RBFOX1: variants seen among roughly 807,000 people sequenced by gnomAD.
RBFOX1 encodes RNA binding fox-1 homolog 1.
A neutral mutation model predicts 57.7 loss-of-function variants in RBFOX1; 8 were observed. The ratio of observed to expected loss-of-function variants is 0.14; its 90% CI spans 0.08 to 0.25. RBFOX1 has a LOEUF of 0.25. Ranked by LOEUF, RBFOX1 falls within the 10% of genes least tolerant of loss-of-function variation. The pLI, the probability that RBFOX1 is intolerant of heterozygous loss-of-function variation, is 1.00. For synonymous variants in RBFOX1, 326 were observed against 222.4 expected (o/e 1.47, Z -4.15); for missense variants, 611 against 548.5 (o/e 1.11, Z -1.14).
intron 4 of RBFOX1, among the ~76,000 whole-genome samples, chr16:7,224,928 C>A (rs143296615): frequency 1.2e-3 from 180 of 152,246 alleles, no homozygotes; most frequent in Non-Finnish European, 2.3e-3. Flanking sequence ...CTGTCCTAGT[C>A]ACAGTGATGA....
chr16:5,427,845 A>G (rs1567495291), intron 1 of RBFOX1, among the ~76,000 whole-genome samples: 1 of 152,100 alleles, frequency 6.6e-6, no homozygotes, highest in Non-Finnish European at 1.5e-5. Flanking sequence ...ATCATACAAA[A>G]CTACCCTCCC....
chr16:5,883,969 A>G (rs746481239), intron 4 of RBFOX1, among the ~76,000 whole-genome samples: 1 of 152,190 alleles, frequency 6.6e-6, no homozygotes, highest in Non-Finnish European at 1.5e-5. Flanking sequence ...TGAGGTAAGC[A>G]CCTGAATGCT....
intron 1 of RBFOX1, among the ~76,000 whole-genome samples, chr16:5,377,682 C>T (rs1422197989): frequency 6.6e-6 from 1 of 151,236 alleles, no homozygotes; most frequent in African/African-American, 2.5e-5. Context: ...TGAATGCGGA[C>T]CTAGAGGTCC....
intron 1 of RBFOX1, among the ~76,000 whole-genome samples, chr16:5,290,805 T>G (rs1011145658): frequency 6.6e-6 from 1 of 152,036 alleles, no homozygotes; most frequent in Non-Finnish European, 1.5e-5. Flanking sequence ...TTCAAGTGAT[T>G]TTCCTGCCTC....
intron 4 of RBFOX1, among the ~76,000 whole-genome samples, chr16:7,437,024 T>C (rs1411177518): frequency 6.6e-6 from 1 of 152,152 alleles, no homozygotes; most frequent in Non-Finnish European, 1.5e-5. Flanking sequence ...GAGATTGCAG[T>C]AAGCCAAGAT....
At chr16:7,664,581 C>G (rs954979729) in intron 12 of RBFOX1, among the ~76,000 whole-genome samples, 5 of 152,120 alleles carry the variant, frequency 3.3e-5, no homozygotes, top group African/African-American at 1.2e-4. Flanking sequence ...ATTGCCAACT[C>G]TGACCTGTTA....
At chr16:7,468,828 T>G (rs2061011425) in intron 4 of RBFOX1, among the ~76,000 whole-genome samples, 1 of 152,134 alleles carries the variant, frequency 6.6e-6, no homozygotes, top group African/African-American at 2.4e-5. Flanking sequence ...ATGCCACTGA[T>G]GGCTGACCAA....
intron 3 of RBFOX1, among the ~76,000 whole-genome samples, chr16:7,002,563 T>G (rs367555342): frequency 2.0e-3 from 298 of 151,916 alleles, no homozygotes; most frequent in Non-Finnish European, 3.5e-3. Flanking sequence ...AATACAAAAA[T>G]TTGCTGGGCG....
chr16:5,568,254 C>T (rs148384653), intron 2 of RBFOX1, among the ~76,000 whole-genome samples: 268 of 152,300 alleles, frequency 1.8e-3, no homozygotes, highest in African/African-American at 5.7e-3. Context: ...TCTCTGTGCA[C>T]GTGGCACAGT....
At chr16:6,509,273 A>G (rs970131348) in intron 2 of RBFOX1, among the ~76,000 whole-genome samples, 18 of 152,264 alleles carry the variant, frequency 1.2e-4, no homozygotes, top group East Asian at 3.9e-4. Context: ...AGCTCCTTAT[A>G]TATTCTGGTT....
In RBFOX1 at chr16:5,454,767, CTCTTTCTT is replaced by C. The variant is rs377472982; in HGVS notation, c.220-12433_220-12426del. Reference sequence around the variant, plus strand: ...TCTTTTTCTTTTCTTTTCTTTCTTTCTCTTTCTTTCTTTCTTTCTTTCTCTTTCTTTCT... The same window carrying C: ...TCTTTTTCTTTTCTTTTCTTTCTTTCTCTTTCTTTCTTTCTCTTTCTTTCT... On this transcript the variant is annotated intron_variant, in intron 1 of 2. Coordinates refer to the RBFOX1 transcript ENST00000585867. 3.6e-4 allele frequency among the ~76,000 whole-genome samples: 13 copies of C among 36,344 alleles called. No homozygotes were observed. In the East Asian group the frequency reaches 3.6e-3, roughly 10 times the overall value. The allele number at this position is 36,344 out of a possible 152,430, so 23.8% of individuals were successfully genotyped here.
chr16:6,152,344 CTTTT>C (rs929308424), intron 1 of RBFOX1, among the ~76,000 whole-genome samples: 1 of 152,072 alleles, frequency 6.6e-6, no homozygotes, highest in African/African-American at 2.4e-5. Flanking sequence ...CTCTCTCTCT[CTTTT>C]TAACTAGCTG....
intron 1 of RBFOX1, among the ~76,000 whole-genome samples, chr16:5,442,301 C>A (rs138290948): frequency 1.5e-3 from 225 of 152,320 alleles, no homozygotes; most frequent in African/African-American, 5.0e-3. Flanking sequence ...GCAGCCCATT[C>A]ATGCGGAGCT....
intron 4 of RBFOX1, among the ~76,000 whole-genome samples, chr16:7,233,554 A>G (rs2093619610): frequency 6.6e-6 from 1 of 152,288 alleles, no homozygotes; most frequent in Admixed American, 6.5e-5. Flanking sequence ...AAAATTTTAC[A>G]AAGTCTATTT....
intron 1 of RBFOX1, among the ~76,000 whole-genome samples, chr16:6,201,261 T>C (rs532429344): frequency 6.6e-6 from 1 of 152,292 alleles, no homozygotes; most frequent in South Asian, 2.1e-4. Flanking sequence ...AGTGCTGCAA[T>C]GAACATAGAG....
At chr16:5,800,639 A>G (rs2055026540) in intron 3 of RBFOX1, among the ~76,000 whole-genome samples, 1 of 152,152 alleles carries the variant, frequency 6.6e-6, no homozygotes, top group South Asian at 2.1e-4. Flanking sequence ...TTAGTGGCCT[A>G]TTACCTAGTT....
At chr16:6,360,060 T>G (rs905667822) in intron 2 of RBFOX1, among the ~76,000 whole-genome samples, 3 of 152,192 alleles carry the variant, frequency 2.0e-5, no homozygotes, top group Non-Finnish European at 2.9e-5. Context: ...ATTATGTGAA[T>G]TATTAACTCT....
intron 4 of RBFOX1, among the ~76,000 whole-genome samples, chr16:5,901,312 TC>T (rs1478473303): frequency 1.3e-5 from 2 of 152,184 alleles, no homozygotes; most frequent in East Asian, 3.9e-4. Flanking sequence ...GGTAATCTGA[TC>T]CCCTTACTGT....
In RBFOX1 at chr16:5,804,564, C is replaced by T. The variant is rs540977385; in HGVS notation, c.319-62739C>T. Among the ~76,000 whole-genome samples, 8 of 152,290 alleles carry T rather than the reference C, an allele frequency of 5.3e-5. No homozygotes were observed. In the South Asian group the frequency reaches 1.5e-3, roughly 28 times the overall value. The stretch of plus-strand genomic sequence containing the variant: ...TGCTGTGAATTCCAGGTATGAGTTG[C>T]ATTCCACCCAGATGGTGGGAGGTGA... On this transcript the variant is annotated intron_variant, in intron 3 of 19. Transcript: ENST00000641259.
Sources: gnomAD v4.1 joint callset for allele counts (sites outside exome capture counted in the v4.1 genomes callset) on GRCh38, gnomAD v4.1.1 for gene constraint, MANE v1.5 for transcripts, NCBI Gene and HGNC (gene_info 2026-07-23, HGNC 2026-07-21) for gene names.